Variants in SLC14A2 observed in about 807,000 individuals in gnomAD.
SLC14A2 encodes urea transporter 2.
SLC14A2 carries 91 observed loss-of-function variants against 104.6 expected under a neutral mutation model. The ratio of observed to expected loss-of-function variants is 0.87; its 90% confidence interval spans 0.73 to 1.04. The LOEUF (loss-of-function observed/expected upper bound fraction) is 1.04. Among genes scored for constraint, SLC14A2 ranks in the 50% least tolerant of loss-of-function variants. The pLI, the probability that SLC14A2 is intolerant of heterozygous loss-of-function variation, is 0.00. For synonymous variants in SLC14A2, 476 were observed against 466.4 expected (o/e 1.02, Z -0.27); for missense variants, 1,189 against 1,156.0 (o/e 1.03, Z -0.41).
At chr18:45,426,694 T>TACAC (rs1328486756) in intron 1 of SLC14A2, among the ~76,000 whole-genome samples, 160 of 90,310 alleles carry the variant, frequency 1.8e-3, no homozygotes, top group African/African-American at 5.3e-3. Flanking sequence ...CATATATACA[T>TACAC]ACATACACAC....
chr18:45,542,053 TTTTTTTTTTTTTTTTTTTTG>T (rs2043895777), intron 2 of SLC14A2, among the ~76,000 whole-genome samples: 2 of 134,484 alleles, frequency 1.5e-5, no homozygotes, highest in Admixed American at 7.7e-5. Context: ...TTTTTTTTTT[TTTTTTTTTTTTTTTTTTTTG>T]CTTTTGAGTT....
rs545265172 is a variant in SLC14A2, at chr18:45,664,782, G to T, written c.1474+875G>T. On this transcript the variant is annotated intron_variant, in intron 11 of 19. Coordinates refer to ENST00000255226, the MANE Select transcript of SLC14A2 (RefSeq NM_007163.4). ...TGGGAAAATACACGAGGTGGAGAGG[G>T]GATTGCCGAGGACATTGCACATCTC... is the stretch of plus-strand genomic sequence containing the variant. Among the ~76,000 whole-genome samples, 166 of 152,304 alleles carry T rather than the reference G, an allele frequency of 1.1e-3. 1 individual carries two copies. Among genetic ancestry groups the T allele is most frequent in the African/African-American group, 3.9e-3 (161 of 41,556 alleles).
chr18:45,502,200 T>G (rs1052268188), intron 2 of SLC14A2, among the ~76,000 whole-genome samples: 1 of 152,120 alleles, frequency 6.6e-6, no homozygotes. Flanking sequence ...ATGGGAAGAT[T>G]AGGGGTGGGG....
chr18:45,596,605 AG>A (rs2044721367), intron 2 of SLC14A2, among the ~76,000 whole-genome samples: 1 of 152,220 alleles, frequency 6.6e-6, no homozygotes, highest in Admixed American at 6.5e-5. Flanking sequence ...CCCATCAGGA[AG>A]GGCAGCTGGA....
chr18:45,178,348 TAAA>T, the SLC14A2 span, among the ~76,000 whole-genome samples: 4 of 151,282 alleles, frequency 2.6e-5, no homozygotes, highest in Non-Finnish European at 5.9e-5. Context: ...AGTAATGAAA[TAAA>T]AACATAAGTA....
intron 1 of SLC14A2, among the ~76,000 whole-genome samples, chr18:45,402,046 C>T (rs1273379432): frequency 6.6e-6 from 1 of 152,058 alleles, no homozygotes; most frequent in African/African-American, 2.4e-5. Flanking sequence ...CCGAAGCTTC[C>T]CCTCCTACCA....
Position 45,619,965 on chromosome 18 carries a change from C to T in SLC14A2, c.-35+4383C>T, listed in dbSNP as rs1599074000. ...GGAGACATGGAGGCCCACGCGGCCC[C>T]GAGTGGCAGAGCAGGGAGGCAGGAG... is the stretch of plus-strand genomic sequence containing the variant. On this transcript the variant is annotated intron_variant, in intron 1 of 19. Transcript: ENST00000255226. 2.0e-5 allele frequency among the ~76,000 whole-genome samples: 3 copies of T among 152,304 alleles called. No homozygotes were observed. The South Asian group carries it at 6.2e-4, about 32-fold the overall frequency.
At chr18:45,575,861 C>T (rs1289235212) in intron 2 of SLC14A2, among the ~76,000 whole-genome samples, 2 of 151,342 alleles carry the variant, frequency 1.3e-5, no homozygotes, top group Non-Finnish European at 2.9e-5. Flanking sequence ...CCTGGTGCCC[C>T]TAGAAATATT....
At chr18:45,613,317 T>C (rs2045003931), upstream of SLC14A2, among the ~76,000 whole-genome samples, 1 of 152,180 alleles carries the variant, frequency 6.6e-6, no homozygotes, top group Non-Finnish European at 1.5e-5. Flanking sequence ...CCACTGCGCC[T>C]GGCCAGCAGT....
At chr18:45,188,404 G>A in the SLC14A2 span, among the ~76,000 whole-genome samples, 1 of 152,036 alleles carries the variant, frequency 6.6e-6, no homozygotes, top group Non-Finnish European at 1.5e-5. Flanking sequence ...TTGTAAGTAG[G>A]TTACCATCTT....
At chr18:45,407,065 C>A (rs946560163) in intron 1 of SLC14A2, among the ~76,000 whole-genome samples, 6 of 152,184 alleles carry the variant, frequency 3.9e-5, no homozygotes, top group Non-Finnish European at 7.3e-5. Flanking sequence ...TCCTTTGAAG[C>A]TTTGAAGCCA....
chr18:45,176,719 T>G, the SLC14A2 span, among the ~76,000 whole-genome samples: 1 of 152,202 alleles, frequency 6.6e-6, no homozygotes, highest in Non-Finnish European at 1.5e-5. Context: ...ATTGTGGACT[T>G]TTCTCACCTA....
intron 10 of SLC14A2, chr18:45,646,661 C>G (rs2045632046): frequency 6.6e-6 from 1 of 152,170 alleles, no homozygotes. Context: ...CCAACTCCCC[C>G]CATCTCCCCC....
At chr18:45,333,782 T>G (rs993418295) in intron 1 of SLC14A2, among the ~76,000 whole-genome samples, 2 of 152,236 alleles carry the variant, frequency 1.3e-5, no homozygotes, top group African/African-American at 4.8e-5. Context: ...CAAGAGGATC[T>G]TGACTCCATT....
chr18:45,268,964 T>TTG (rs3050837), intron 1 of SLC14A2, among the ~76,000 whole-genome samples: 1,808 of 143,550 alleles, frequency 0.013, 21 homozygotes, highest in East Asian at 0.023. Flanking sequence ...GTTGGTGTGT[T>TTG]TGTGTGTGTG....
chr18:45,279,023 G>A (rs548406208), intron 1 of SLC14A2, among the ~76,000 whole-genome samples: 90 of 152,270 alleles, frequency 5.9e-4, no homozygotes, highest in African/African-American at 2.0e-3. Context: ...ACTTGACCAA[G>A]GCCACATGCA....
At chr18:45,436,101 T>C (rs2086592173) in intron 1 of SLC14A2, among the ~76,000 whole-genome samples, 1 of 152,174 alleles carries the variant, frequency 6.6e-6, no homozygotes, top group African/African-American at 2.4e-5. Context: ...ACTTCGAGTT[T>C]TGTGTTACAT....
chr18:45,617,526 C>T (rs79093537), intron 1 of SLC14A2, among the ~76,000 whole-genome samples: 2 of 152,122 alleles, frequency 1.3e-5, no homozygotes, highest in South Asian at 4.2e-4. Context: ...TCTGAGCCAC[C>T]CCTAATAAAA....
Position 45,663,780 on chromosome 18 carries a change from G to A in SLC14A2, c.1352-5G>A. ...ACTGACCTGTCTTGTTTTGCCCCTG[G>A]CTAGGAGGCGGTGGGGAGCATCCAC... On this transcript the variant is annotated splice_polypyrimidine_tract_variant and splice_region_variant and intron_variant, in intron 10 of 19. Transcript: ENST00000255226. 6.2e-7 allele frequency: 1 copy of A among 1,611,716 alleles called. No homozygotes were observed. Among genetic ancestry groups the A allele is most frequent in the African/African-American group, 1.3e-5 (1 of 74,892 alleles).
Sources: gnomAD v4.1 joint callset for allele counts (sites outside exome capture counted in the v4.1 genomes callset) on GRCh38, gnomAD v4.1.1 for gene constraint, MANE v1.5 for transcripts, NCBI Gene and HGNC (gene_info 2026-07-23, HGNC 2026-07-21) for gene names.